The following PRKCE variants were observed in gnomAD, a reference collection of about 807,000 sequenced individuals.
PRKCE encodes the protein protein kinase C epsilon type.
PRKCE carries 16 observed loss-of-function variants against 85.4 expected under a neutral mutation model. The observed-to-expected ratio is 0.19, with a 90% CI of 0.13 to 0.28. The LOEUF is 0.28. Ranked by LOEUF, PRKCE falls within the 10% of genes least tolerant of loss-of-function variation. The pLI is 1.00. For synonymous variants in PRKCE, 388 were observed against 371.5 expected (o/e 1.04, Z -0.51); for missense variants, 573 against 975.2 (o/e 0.59, Z 5.49).
chr2:45,897,764 T>C (rs1236083439), intron 2 of PRKCE, among the ~76,000 whole-genome samples: 1 of 152,226 alleles, frequency 6.6e-6, no homozygotes, highest in African/African-American at 2.4e-5. Context: ...ATATGGTTTA[T>C]GATTTGAGAG....
chr2:46,082,103 A>G (rs1304744469), intron 10 of PRKCE, among the ~76,000 whole-genome samples: 1 of 152,044 alleles, frequency 6.6e-6, no homozygotes, highest in East Asian at 1.9e-4. Context: ...AAAACTAAGC[A>G]GTGGACTTAG....
At chr2:46,150,561 T>C (rs1574605650) in intron 12 of PRKCE, among the ~76,000 whole-genome samples, 1 of 152,114 alleles carries the variant, frequency 6.6e-6, no homozygotes, top group East Asian at 1.9e-4. Context: ...TCAGGTAAAT[T>C]GAGTGTTGCA....
In PRKCE at chr2:45,884,979, A is replaced by G. The variant is rs201286006; in HGVS notation, c.412+41916A>G. 2.6e-3 allele frequency among the ~76,000 whole-genome samples: 219 copies of G among 83,564 alleles called. 11 individuals carry two copies. The highest frequency in any genetic ancestry group is 6.2e-3 in the African/African-American group (170 of 27,216). 54.8% of individuals were successfully genotyped at this position (83,564 alleles called of 152,430 possible). On this transcript the variant is annotated intron_variant, in intron 2 of 14. Coordinates refer to ENST00000306156, the MANE Select transcript of PRKCE (RefSeq NM_005400.3). ...CATATATATATATATATATATATAT[A>G]TATATATATATATATATATATATTT...
intron 4 of PRKCE, 46 bp from the exon 5 acceptor site, chr2:45,980,250 C>T (rs1352194330): frequency 1.3e-6 from 2 of 1,576,960 alleles, no homozygotes; most frequent in South Asian, 2.2e-5. Context: ...GAGGGACACT[C>T]CCTTTCCTGA....
At chr2:46,168,771 A>G (rs533831785) in intron 14 of PRKCE, among the ~76,000 whole-genome samples, 3 of 152,346 alleles carry the variant, frequency 2.0e-5, no homozygotes, top group Admixed American at 6.5e-5. Context: ...GTTTGAGGAC[A>G]GAGAGAAGAG....
intron 11 of PRKCE, among the ~76,000 whole-genome samples, chr2:46,094,236 A>G (rs781307692): frequency 6.6e-6 from 1 of 152,032 alleles, no homozygotes; most frequent in African/African-American, 2.4e-5. Context: ...TCCTTTTCCC[A>G]CTATCCTGTG....
At chr2:46,058,328 C>G (rs572572071) in intron 10 of PRKCE, among the ~76,000 whole-genome samples, 2 of 152,210 alleles carry the variant, frequency 1.3e-5, no homozygotes, top group Non-Finnish European at 2.9e-5. Context: ...CATCCAGCCT[C>G]TGGAAAGCTG....
At chr2:46,060,299 C>T (rs1030049905) in intron 10 of PRKCE, among the ~76,000 whole-genome samples, 7 of 149,086 alleles carry the variant, frequency 4.7e-5, no homozygotes, top group Middle Eastern at 7.0e-3. Flanking sequence ...TGTCTAATCT[C>T]CATACGTCAG....
intron 2 of PRKCE, among the ~76,000 whole-genome samples, chr2:45,944,711 A>G (rs1334824169): frequency 1.8e-5 from 2 of 108,250 alleles, no homozygotes; most frequent in African/African-American, 3.7e-5. Flanking sequence ...CATGTTGCCT[A>G]GGCTAGTCTC....
At chr2:46,033,214 T>C (rs1403423525) in intron 10 of PRKCE, among the ~76,000 whole-genome samples, 1 of 152,226 alleles carries the variant, frequency 6.6e-6, no homozygotes, top group Non-Finnish European at 1.5e-5. Flanking sequence ...TTTTCACTGA[T>C]GGTGATGACA....
intron 9 of PRKCE, among the ~76,000 whole-genome samples, chr2:46,010,015 AAAAT>A (rs1447342229): frequency 6.6e-6 from 1 of 152,248 alleles, no homozygotes; most frequent in Non-Finnish European, 1.5e-5. Context: ...CCAGAGATCA[AAAAT>A]AAATAAATTG....
At chr2:46,174,882 G>A (rs2104682134) in intron 14 of PRKCE, among the ~76,000 whole-genome samples, 1 of 151,846 alleles carries the variant, frequency 6.6e-6, no homozygotes, top group South Asian at 2.1e-4. Flanking sequence ...GTAAAGGCAG[G>A]GTCTCACTAT....
intron 12 of PRKCE, among the ~76,000 whole-genome samples, chr2:46,147,797 G>A (rs1676229024): frequency 6.6e-6 from 1 of 152,212 alleles, no homozygotes; most frequent in East Asian, 1.9e-4. Context: ...TGATGGGATA[G>A]GAAACGCAAT....
chr2:45,802,579 C>T (rs190730126), intron 1 of PRKCE, among the ~76,000 whole-genome samples: 2 of 152,276 alleles, frequency 1.3e-5, no homozygotes, highest in East Asian at 3.9e-4. Context: ...TTCACAACAA[C>T]AAATACATTA....
chr2:45,987,584 A>G (rs532160360), intron 6 of PRKCE, among the ~76,000 whole-genome samples: 95 of 150,384 alleles, frequency 6.3e-4, no homozygotes, highest in African/African-American at 2.3e-3. Flanking sequence ...GTGCCCCCCA[A>G]CACACATGGC....
intron 2 of PRKCE, among the ~76,000 whole-genome samples, chr2:45,931,852 A>T (rs1467235823): frequency 6.6e-6 from 1 of 151,906 alleles, no homozygotes; most frequent in African/African-American, 2.4e-5. Context: ...GACTACAGGC[A>T]CCTGCTGCCA....
In PRKCE at chr2:45,697,827, C is replaced by T. The variant is rs896169536; in HGVS notation, c.348+45379C>T. On this transcript the variant is annotated intron_variant, in intron 1 of 14. Transcript: ENST00000306156. The surrounding 1 kb of genome is among the most constrained non-coding windows in gnomAD (Gnocchi z 4.2). Reference sequence around the variant, plus strand: ...CAAGCTTTTTAAAATGGATTAGCACCTAGGGATTCTTGCAGGCAGGTGGAA... The same window carrying T: ...CAAGCTTTTTAAAATGGATTAGCACTTAGGGATTCTTGCAGGCAGGTGGAA... 2.0e-5 allele frequency: 3 copies of T among 152,622 alleles called. No individual in the cohort carries two copies. The highest frequency in any genetic ancestry group is 2.9e-5 in the Non-Finnish European group (2 of 68,046). 9.5% of individuals were successfully genotyped at this position (152,622 alleles called of 1,614,324 possible).
rs544823382 is a variant in PRKCE, at chr2:45,881,583, A to G, written c.412+38520A>G. 1.3e-5 allele frequency among the ~76,000 whole-genome samples: 2 copies of G among 152,356 alleles called. 1 individual carries two copies. Among genetic ancestry groups the G allele is most frequent in the African/African-American group, 4.8e-5 (2 of 41,580 alleles). On this transcript the variant is annotated intron_variant, in intron 2 of 14. Transcript: ENST00000306156. ...AGCCAACTCTTACATAGTGCTTACT[A>G]TTCCCCAAGAAGGATTTTAACTATG...
At chr2:45,666,206 G>C (rs1447151803) in intron 1 of PRKCE, among the ~76,000 whole-genome samples, 1 of 152,146 alleles carries the variant, frequency 6.6e-6, no homozygotes, top group East Asian at 1.9e-4. Context: ...AGCTCCAGGT[G>C]CCTGAGTACT....
Sources: gnomAD v4.1 joint callset for allele counts (sites outside exome capture counted in the v4.1 genomes callset) on GRCh38, gnomAD v4.1.1 for gene constraint, Gnocchi (gnomAD v3.1) non-coding constraint, MANE v1.5 for transcripts, NCBI Gene and HGNC (gene_info 2026-07-23, HGNC 2026-07-21) for gene names.